The following SGCD variants were observed in gnomAD, a reference collection of about 807,000 sequenced individuals.
SGCD encodes sarcoglycan delta, also known as delta-sarcoglycan.
In SGCD, 18 loss-of-function variants were observed where a neutral mutation model predicts 36.6. The ratio of observed to expected loss-of-function variants is 0.49; its 90% CI spans 0.34 to 0.73. The LOEUF is 0.73. Among genes scored for constraint, SGCD ranks in the 30% least tolerant of loss-of-function variants. The pLI, the probability that SGCD is intolerant of heterozygous loss-of-function variation, is 0.01. For synonymous variants in SGCD, 133 were observed against 130.6 expected, an observed-to-expected ratio of 1.02 and a Z score of -0.12; for missense variants, 387 against 346.7, an observed-to-expected ratio of 1.12 and a Z score of -0.92.
At chr5:156,133,013 C>T (rs964503538) in intron 3 of SGCD, among the ~76,000 whole-genome samples, 2 of 152,176 alleles carry the variant, frequency 1.3e-5, no homozygotes, top group African/African-American at 4.8e-5. Flanking sequence ...CACTGAGTCC[C>T]TGTTGAGTCA....
At chr5:155,791,716 T>C in the SGCD span, among the ~76,000 whole-genome samples, 1 of 151,994 alleles carries the variant, frequency 6.6e-6, no homozygotes, top group South Asian at 2.1e-4. Context: ...ATAAGAGATA[T>C]CTACAAGGAG....
the SGCD span, among the ~76,000 whole-genome samples, chr5:155,828,033 A>G: frequency 2.0e-5 from 3 of 151,892 alleles, no homozygotes; most frequent in Non-Finnish European, 4.4e-5. Flanking sequence ...AGAAAGAGAG[A>G]TGGGGTGATG....
intron 2 of SGCD, among the ~76,000 whole-genome samples, chr5:156,336,066 A>G (rs149688382): frequency 1.3e-5 from 2 of 152,176 alleles, no homozygotes; most frequent in African/African-American, 4.8e-5. Flanking sequence ...TGAGGTTTTT[A>G]CTGTGGCTCT....
At chr5:156,721,209 A>T (rs999654299) in intron 7 of SGCD, among the ~76,000 whole-genome samples, 6 of 152,194 alleles carry the variant, frequency 3.9e-5, no homozygotes, top group African/African-American at 1.4e-4. Context: ...ATATACAAGT[A>T]TGGAGTTCAA....
chr5:155,982,091 C>A (rs534892455), intron 1 of SGCD, among the ~76,000 whole-genome samples: 2 of 152,264 alleles, frequency 1.3e-5, no homozygotes, highest in East Asian at 3.9e-4. Flanking sequence ...CACTTTCTCT[C>A]CCAATTTAAA....
At chr5:155,864,557 GA>G in the SGCD span, among the ~76,000 whole-genome samples, 251 of 152,266 alleles carry the variant, frequency 1.6e-3, 6 homozygotes, top group East Asian at 0.045. Flanking sequence ...AATGTTAACT[GA>G]AAATGATTCT....
At chr5:156,048,711 G>A (rs1759838786) in intron 1 of SGCD, among the ~76,000 whole-genome samples, 1 of 152,118 alleles carries the variant, frequency 6.6e-6, no homozygotes, top group Non-Finnish European at 1.5e-5. Context: ...GTTCATTGTA[G>A]ATTCTGGATA....
chr5:156,323,177 A>G (rs2127697448), upstream of SGCD, among the ~76,000 whole-genome samples: 1 of 152,238 alleles, frequency 6.6e-6, no homozygotes, highest in East Asian at 1.9e-4. Context: ...CCAGGTTACT[A>G]CCTCCAAACC....
intron 1 of SGCD, among the ~76,000 whole-genome samples, chr5:155,941,028 G>T (rs1757314300): frequency 6.6e-6 from 1 of 152,050 alleles, no homozygotes; most frequent in African/African-American, 2.4e-5. Context: ...AATTCTGGAG[G>T]CTGAGAAGTC....
chr5:156,447,793 G>A (rs1158588944), intron 3 of SGCD, among the ~76,000 whole-genome samples: 5 of 152,122 alleles, frequency 3.3e-5, no homozygotes, highest in Non-Finnish European at 7.4e-5. Flanking sequence ...TCCTGCACAT[G>A]TATCCCAGAA....
At chr5:156,092,786 T>C (rs577207976) in intron 1 of SGCD, among the ~76,000 whole-genome samples, 9 of 152,334 alleles carry the variant, frequency 5.9e-5, no homozygotes, top group Middle Eastern at 3.4e-3. Flanking sequence ...AGTGGAGGGA[T>C]TGGGCATTCT....
chr5:156,580,468 A>C (rs1028055725), intron 4 of SGCD, among the ~76,000 whole-genome samples: 30 of 152,222 alleles, frequency 2.0e-4, no homozygotes, highest in African/African-American at 7.0e-4. Context: ...CTGCTTTGCT[A>C]GGTTGGGGAA....
intron 2 of SGCD, among the ~76,000 whole-genome samples, chr5:156,118,545 C>T (rs1433739478): frequency 6.6e-6 from 1 of 152,132 alleles, no homozygotes; most frequent in Non-Finnish European, 1.5e-5. Context: ...ACTACTTGCA[C>T]ACCAGCAAAG....
intron 1 of SGCD, among the ~76,000 whole-genome samples, chr5:155,887,104 A>G (rs1756022776): frequency 6.6e-6 from 1 of 152,156 alleles, no homozygotes; most frequent in Non-Finnish European, 1.5e-5. Flanking sequence ...CATGGTTTAC[A>G]TTGGGGGCGA....
chr5:156,320,791 G>A (rs1767635465), intron 3 of SGCD, among the ~76,000 whole-genome samples: 1 of 152,174 alleles, frequency 6.6e-6, no homozygotes, highest in Admixed American at 6.5e-5. Flanking sequence ...TCACTGTTTT[G>A]TCACTGAGCC....
At chr5:156,223,687 T>C (rs938378251) in intron 3 of SGCD, among the ~76,000 whole-genome samples, 1 of 151,974 alleles carries the variant, frequency 6.6e-6, no homozygotes, top group Non-Finnish European at 1.5e-5. Flanking sequence ...GGGCTGACAT[T>C]AGTGATGCCT....
At chr5:156,151,717 A>G (rs1762839456) in intron 3 of SGCD, among the ~76,000 whole-genome samples, 1 of 151,666 alleles carries the variant, frequency 6.6e-6, no homozygotes, top group Non-Finnish European at 1.5e-5. Flanking sequence ...CTGGAAGCCA[A>G]TGTAGAATAC....
chr5:156,766,618 A>G lies in SGCD; in HGVS notation c.*7228A>G, dbSNP rs1757592357. ...AATGAGGTTTGGTGGTGTTTCAACT[A>G]GGAAGGGAGAAAATGAGTGCATCTG... On this transcript the variant is annotated 3_prime_UTR_variant, in exon 9 of 9. Transcript: ENST00000337851. The G allele has an allele frequency of 6.7e-6, 1 of 148,998 alleles. No homozygotes were observed. The highest frequency in any genetic ancestry group is 1.5e-5 in the Non-Finnish European group (1 of 67,534). The allele number at this position is 148,998 out of a possible 1,614,324, so 9.2% of individuals were successfully genotyped here. A position where few individuals can be genotyped will look rare whatever the true frequency, so the allele number is the denominator to read the frequency against.
chr5:156,431,441 T>A (rs1402197954), intron 3 of SGCD, among the ~76,000 whole-genome samples: 3 of 152,144 alleles, frequency 2.0e-5, no homozygotes, highest in Non-Finnish European at 4.4e-5. Context: ...TGCAGTGGTG[T>A]GCCAGAGGGG....
Sources: gnomAD v4.1 joint callset for allele counts (sites outside exome capture counted in the v4.1 genomes callset) on GRCh38, gnomAD v4.1.1 for gene constraint, MANE v1.5 for transcripts, NCBI Gene and HGNC (gene_info 2026-07-23, HGNC 2026-07-21) for gene names.